Variants in JCAD observed in about 807,000 individuals in gnomAD.
The protein encoded by JCAD is junctional cadherin 5 associated, also known as junctional cadherin 5-associated protein.
Under a neutral mutation model 98.0 loss-of-function variants are expected in JCAD, and 40 were observed. The ratio of observed to expected loss-of-function variants is 0.41; its 90% CI spans 0.32 to 0.53. The LOEUF (loss-of-function observed/expected upper bound fraction) is 0.53. Ranked by LOEUF, JCAD falls within the 20% of genes least tolerant of loss-of-function variation. The pLI, the probability that JCAD is intolerant of heterozygous loss-of-function variation, is 0.31. For missense variants in JCAD, 1,705 were observed against 1,738.1 expected (o/e 0.98, Z 0.34); for synonymous variants, 691 against 682.3 (o/e 1.01, Z -0.20).
At chr10:30,084,781 GTATC>G (rs61201965) in intron 1 of JCAD, among the ~76,000 whole-genome samples, 29,177 of 146,720 alleles carry the variant, frequency 0.2, 2,897 homozygotes, top group East Asian at 0.29. Flanking sequence ...AATCAAATCT[GTATC>G]TATCTATCTA....
Position 30,069,985 on chromosome 10 carries a change from G to A in JCAD, n.129-164C>T, listed in dbSNP as rs1589704608. On this transcript the variant is annotated intron_variant and non_coding_transcript_variant, in intron 1 of 2. Coordinates refer to the JCAD transcript ENST00000465712. ...AGAACTCATTGGTTAGCCTCTTATG[G>A]ACCTGAATGACATGTATATCAAGCA... Among the ~76,000 whole-genome samples the A allele has an allele frequency of 2.0e-5, 3 of 152,078 alleles. No homozygotes were observed. In the East Asian group the frequency reaches 5.8e-4, roughly 29 times the overall value.
At chr10:30,048,407 G>A (rs1303091319) in intron 1 of JCAD, among the ~76,000 whole-genome samples, 1 of 152,160 alleles carries the variant, frequency 6.6e-6, no homozygotes. Flanking sequence ...TTCAGCGGAA[G>A]CCATCGAAAC....
At chr10:30,018,126 C>A (rs1038626610) in intron 3 of JCAD, among the ~76,000 whole-genome samples, 1 of 152,074 alleles carries the variant, frequency 6.6e-6, no homozygotes, top group Non-Finnish European at 1.5e-5. Context: ...ATAGTCATTA[C>A]CCAAACACAG....
intron 1 of JCAD, among the ~76,000 whole-genome samples, chr10:30,055,661 A>T (rs957328972): frequency 6.6e-6 from 1 of 152,230 alleles, no homozygotes; most frequent in Non-Finnish European, 1.5e-5. Context: ...ACAAGATGTA[A>T]AAAATCATAC....
chr10:30,103,027 G>C (rs1380298825), intron 1 of JCAD, among the ~76,000 whole-genome samples: 1 of 152,058 alleles, frequency 6.6e-6, no homozygotes, highest in Non-Finnish European at 1.5e-5. Context: ...GGGAACTATG[G>C]GACCTACAAT....
Position 30,059,067 on chromosome 10 carries a change from T to C in JCAD, c.-60+415A>G, listed in dbSNP as rs1837646438. On this transcript the variant is annotated intron_variant, in intron 1 of 3. Transcript: ENST00000375377. The surrounding 1 kb of genome is among the most constrained non-coding windows in gnomAD (Gnocchi z 5.0). Reference sequence around the variant, plus strand: ...TCTGGGCGCGAGGGCGCGGGAGGGGTTGGTGGACACAGGCTGGGGAGGGCG... The same window carrying C: ...TCTGGGCGCGAGGGCGCGGGAGGGGCTGGTGGACACAGGCTGGGGAGGGCG... 1.3e-5 allele frequency among the ~76,000 whole-genome samples: 2 copies of C among 150,446 alleles called. No individual in the cohort carries two copies. Among genetic ancestry groups the C allele is most frequent in the East Asian group, 2.0e-4 (1 of 4,982 alleles).
intron 1 of JCAD, among the ~76,000 whole-genome samples, chr10:30,050,307 C>G (rs1217301832): frequency 7.8e-6 from 1 of 128,972 alleles, no homozygotes; most frequent in African/African-American, 3.2e-5. Context: ...ACAGCAAGAC[C>G]CTGTCTCAAA....
rs563979031 is a variant in JCAD at position 30,053,596 on chromosome 10, T to C, written c.-59-5725A>G. Among the ~76,000 whole-genome samples the C allele has an allele frequency of 9.2e-5, 14 of 151,560 alleles. No homozygotes were observed. In the South Asian group the frequency reaches 2.9e-3, roughly 32 times the overall value. On this transcript the variant is annotated intron_variant, in intron 1 of 3. Transcript: ENST00000375377. ...AAAAGAAAAGAAAAGAAAAGAATTA[T>C]TAATATGTAACAAAATCTTTAAACA...
upstream of JCAD, among the ~76,000 whole-genome samples, chr10:30,062,014 T>C (rs1365006602): frequency 3.3e-5 from 5 of 152,110 alleles, no homozygotes; most frequent in African/African-American, 7.2e-5. Flanking sequence ...TATTGTTGGG[T>C]TTCTAGGTCA....
intron 2 of JCAD, among the ~76,000 whole-genome samples, chr10:30,037,180 C>A (rs1837133128): frequency 6.6e-6 from 1 of 152,208 alleles, no homozygotes; most frequent in Admixed American, 6.5e-5. Context: ...CAGCCATGTT[C>A]CGCTCCAGAA....
At chr10:30,072,957 T>C (rs1837919729) in intron 1 of JCAD, among the ~76,000 whole-genome samples, 1 of 152,248 alleles carries the variant, frequency 6.6e-6, no homozygotes, top group Non-Finnish European at 1.5e-5. Context: ...TTGATTCTAA[T>C]GTGCACCAAA....
chr10:30,059,588 G>C (rs1837662206), upstream of JCAD: 1 of 130,592 alleles, frequency 7.7e-6, no homozygotes, highest in African/African-American at 4.3e-5. The surrounding 1 kb of genome is among the most constrained non-coding windows in gnomAD (Gnocchi z 5.0). Context: ...AGCATGCCCG[G>C]AGAACCGCCG....
intron 1 of JCAD, among the ~76,000 whole-genome samples, chr10:30,092,098 T>TAAATATATATATATA (rs1554802539): frequency 2.2e-5 from 1 of 44,594 alleles, no homozygotes; most frequent in Non-Finnish European, 3.5e-5. Context: ...TAAAGTTACT[T>TAAATATATATATATA]TATATATATA....
Position 30,026,914 on chromosome 10 carries a change from T to TG in JCAD, c.3233dup (p.Gly1079ArgfsTer2), listed in dbSNP as rs1836824156. 1 of 1,614,082 alleles carries TG rather than the reference T, an allele frequency of 6.2e-7. No individual in the cohort carries two copies. Among genetic ancestry groups the TG allele is most frequent in the Non-Finnish European group, 8.5e-7 (1 of 1,179,992 alleles). On this transcript the variant is annotated frameshift_variant, in exon 3 of 4. Transcript: ENST00000375377. LOFTEE classifies it high-confidence loss of function. Reference sequence around the variant, plus strand: ...CAGCCCTGGCTTGCAAGGACTCACCTGGGGGGATTTCTATTGTGCTTGCTT... The same window carrying TG: ...CAGCCCTGGCTTGCAAGGACTCACCTGGGGGGGATTTCTATTGTGCTTGCTT...
intron 1 of JCAD, among the ~76,000 whole-genome samples, chr10:30,091,103 C>T (rs879239449): frequency 2.6e-5 from 4 of 152,298 alleles, no homozygotes; most frequent in Admixed American, 2.0e-4. Context: ...CCGACTGGTA[C>T]GTTTATGAGA....
rs143642078 is a variant in JCAD at position 30,039,888 on chromosome 10, C to T, written c.281+7644G>A. Among the ~76,000 whole-genome samples, 421 of 152,356 alleles carry T rather than the reference C, an allele frequency of 2.8e-3. 2 individuals carry two copies. The highest frequency in any genetic ancestry group is 9.5e-3 in the African/African-American group (395 of 41,580). On this transcript the variant is annotated intron_variant, in intron 2 of 3. Transcript: ENST00000375377. ...TCATCTGTACTGCAGGGACGGACTA[C>T]GCCTTCCTTTTTGTATCCTGGGAGG...
At position 30,015,099 on chromosome 10, in the gene JCAD, C is replaced by T. The variant is rs759115983; in HGVS notation, c.*2784G>A. On this transcript the variant is annotated 3_prime_UTR_variant, in exon 4 of 4. Transcript: ENST00000375377. ...AGAAAGGCAATTTGAGCTAAATTAC[C>T]ATCATTTTCCCTTCTTTTGCAAATC... is the stretch of plus-strand genomic sequence containing the variant. 8 of 152,128 alleles carry T rather than the reference C, an allele frequency of 5.3e-5. No homozygotes were observed. The highest frequency in any genetic ancestry group is 1.0e-4 in the Non-Finnish European group (7 of 68,024). The allele number at this position is 152,128 out of a possible 1,614,324, so 9.4% of individuals were successfully genotyped here. A position where few individuals can be genotyped will look rare whatever the true frequency, so the allele number is the denominator to read the frequency against.
intron 2 of JCAD, among the ~76,000 whole-genome samples, chr10:30,064,666 T>TTC (rs1837753662): frequency 6.6e-6 from 1 of 151,254 alleles, no homozygotes; most frequent in African/African-American, 2.5e-5. Flanking sequence ...AAACCCCACG[T>TTC]TCTCTCTTTT....
intron 2 of JCAD, among the ~76,000 whole-genome samples, chr10:30,065,194 G>A (rs968687440): frequency 6.6e-5 from 10 of 152,044 alleles, no homozygotes; most frequent in African/African-American, 1.7e-4. Context: ...ATATCAGTAC[G>A]GTGTCTATAG....
Sources: gnomAD v4.1 joint callset for allele counts (sites outside exome capture counted in the v4.1 genomes callset) on GRCh38, gnomAD v4.1.1 for gene constraint, Gnocchi (gnomAD v3.1) non-coding constraint, MANE v1.5 for transcripts, NCBI Gene and HGNC (gene_info 2026-07-23, HGNC 2026-07-21) for gene names.